GSTM5: variants seen among roughly 807,000 people sequenced by gnomAD.
The protein encoded by GSTM5 is glutathione S-transferase mu 5, also known as GST class-mu 5.
A neutral mutation model predicts 29.0 loss-of-function variants in GSTM5; 24 were observed. That is an observed-to-expected ratio of 0.83 (90% CI 0.60 to 1.16). The LOEUF is 1.16. GSTM5 is among the 50% of genes most tolerant of loss of function. The pLI is 0.00. For missense variants in GSTM5, 290 were observed against 263.0 expected, an observed-to-expected ratio of 1.10 and a Z score of -0.71; for synonymous variants, 91 against 93.6, an observed-to-expected ratio of 0.97 and a Z score of 0.16.
rs766103770 is a variant in GSTM5 at position 109,717,329 on chromosome 1, G to A, written c.568-8G>A. The A allele has an allele frequency of 2.5e-5, 40 of 1,609,958 alleles. No individual in the cohort carries two copies. Among genetic ancestry groups the A allele is most frequent in the Admixed American group, 1.0e-4 (6 of 59,970 alleles). On this transcript the variant is annotated splice_polypyrimidine_tract_variant and splice_region_variant and intron_variant, in intron 7 of 7. Coordinates refer to ENST00000256593, the MANE Select transcript of GSTM5 (RefSeq NM_000851.4). Reference sequence around the variant, plus strand: ...GACCTGGCTCTGGCCCCTTCTTCCCGCCCTCAGGGTTTGAAGAAGATCTCT... The same window carrying A: ...GACCTGGCTCTGGCCCCTTCTTCCCACCCTCAGGGTTTGAAGAAGATCTCT...
Position 109,715,237 on chromosome 1 carries a change from T to C in GSTM5, c.564T>C (p.Phe188=), listed in dbSNP as rs369318855. Residue 188 remains phenylalanine (F), a synonymous_variant, in exon 7 of 8, where the codon TTT becomes TTC. Coordinates refer to ENST00000256593, the MANE Select transcript of GSTM5 (RefSeq NM_000851.4). ...FLNLKDFISR[F]EGLKKISAYM... ...ACTTGAAGGACTTCATCTCCCGCTTTGAGGTGATGCCCCCATCCTCCTTTC... is the reference window on the plus strand; with the variant it reads ...ACTTGAAGGACTTCATCTCCCGCTTCGAGGTGATGCCCCCATCCTCCTTTC... 145 of 1,614,250 alleles carry C rather than the reference T, an allele frequency of 9.0e-5. 1 individual carries two copies. The Middle Eastern group carries it at 2.1e-3, about 24-fold the overall frequency.
chr1:109,712,451 G>A, intron 1 of GSTM5, 103 bp downstream of exon 1: 2 of 1,375,214 alleles, frequency 1.5e-6, no homozygotes, highest in Non-Finnish European at 2.1e-6. Flanking sequence ...AGGGCTGCCC[G>A]CCTCAGAAGG....
In GSTM5 at chr1:109,712,283, C is replaced by T. The variant is rs1333117518; in HGVS notation, c.-30C>T. The T allele has an allele frequency of 1.9e-6, 3 of 1,613,698 alleles. No individual in the cohort carries two copies. Among genetic ancestry groups the T allele is most frequent in the Non-Finnish European group, 2.5e-6 (3 of 1,179,712 alleles). Reference sequence around the variant, plus strand: ...AGTCTGAGCCCCGCTCCGCTGATGCCTGTCTGCAGAATCCGCACCAACCAG... The same window carrying T: ...AGTCTGAGCCCCGCTCCGCTGATGCTTGTCTGCAGAATCCGCACCAACCAG... On this transcript the variant is annotated 5_prime_UTR_variant, in exon 1 of 8. Transcript: ENST00000256593.
Position 109,712,627 on chromosome 1 carries a change from G to C in GSTM5, c.46G>C (p.Ala16Pro). The change falls in exon 2 of 8, where the codon GCC (alanine) becomes CCC (proline). Residue 16 changes from alanine (A) to proline (P), a missense_variant. Coordinates refer to ENST00000256593, the MANE Select transcript of GSTM5 (RefSeq NM_000851.4). ...GGGCCATCTCTCCCAGCTGGCCCAC[G>C]CCATCCGCTTGCTCCTGGAATACAC... ...GYWDIRGLAH[A>P]IRLLLEYTDS... is the part of the protein sequence containing the mutation. 3.1e-6 allele frequency: 5 copies of C among 1,613,890 alleles called. No individual in the cohort carries two copies. Among genetic ancestry groups the C allele is most frequent in the Non-Finnish European group, 4.2e-6 (5 of 1,179,902 alleles).
At chr1:109,715,467 G>T (rs1213392461) in intron 7 of GSTM5, 4 of 1,512,840 alleles carry the variant, frequency 2.6e-6, no homozygotes, top group Non-Finnish European at 3.5e-6. Context: ...TAAGAAAACT[G>T]AGAATGAGAG....
intron 1 of GSTM5, 81 bp from the exon 2 acceptor site, chr1:109,712,535 ACT>A (rs1648590604): frequency 6.6e-7 from 1 of 1,512,802 alleles, no homozygotes. Flanking sequence ...TGCAGTATAG[ACT>A]AGGGGCTGGC....
chr1:109,713,591 G>A (rs774608604), intron 4 of GSTM5, 26 bp downstream of exon 4: 57 of 1,613,980 alleles, frequency 3.5e-5, no homozygotes, highest in South Asian at 7.7e-5. Flanking sequence ...TGCAATGTGC[G>A]GGGGGAAGGT....
Position 109,714,976 on chromosome 1 carries a change from A to T in GSTM5, c.390A>T (p.Glu130Asp). 2 of 1,614,092 alleles carry T rather than the reference A, an allele frequency of 1.2e-6. No homozygotes were observed. Among genetic ancestry groups the T allele is most frequent in the Non-Finnish European group, 1.7e-6 (2 of 1,180,018 alleles). ...FEKLKPKYLE[E>D]LPEKLKLYSE... ...AACTGAAGCCAAAATACTTGGAGGA[A>T]CTCCCTGAAAAGCTAAAGCTCTACT... Residue 130 changes from glutamate to aspartate, a missense_variant, in exon 6 of 8, where the codon GAA (glutamate) becomes GAT (aspartate). Glu to Asp is a conservative substitution (Grantham distance 45). Transcript: ENST00000256593.
chr1:109,714,801 T>C lies in GSTM5; in HGVS notation c.361-146T>C, dbSNP rs60964769. The C allele has an allele frequency of 3.4e-3, 2,522 of 750,658 alleles. 46 individuals carry two copies. In the African/African-American group the frequency reaches 0.037, roughly 11 times the overall value. 46.5% of individuals were successfully genotyped at this position (750,658 alleles called of 1,614,324 possible). A position where few individuals can be genotyped will look rare whatever the true frequency, so the allele number is the denominator to read the frequency against. The stretch of plus-strand genomic sequence containing the variant: ...GTCTAATAAATGCTGATGTATCCAA[T>C]TGAAGCCTGGGCACTGCCCCGGTTT... On this transcript the variant is annotated intron_variant, in intron 5 of 7. Coordinates refer to ENST00000256593, the MANE Select transcript of GSTM5 (RefSeq NM_000851.4).
intron 7 of GSTM5, chr1:109,716,138 T>G: frequency 3.3e-6 from 1 of 303,014 alleles, no homozygotes; most frequent in South Asian, 2.8e-5. Flanking sequence ...TGCCCCTCAC[T>G]CACGGGGAAC....
rs1648599630 is a variant in GSTM5 at position 109,712,665 on chromosome 1, T to C, written c.84T>C (p.Tyr28=). 2 of 1,614,138 alleles carry C rather than the reference T, an allele frequency of 1.2e-6. No individual in the cohort carries two copies. The highest frequency in any genetic ancestry group is 1.7e-6 in the Non-Finnish European group (2 of 1,180,002). Residue 28 remains tyrosine, a synonymous_variant, in exon 2 of 8, where the codon TAT becomes TAC. Transcript: ENST00000256593. The part of the protein sequence containing the change: ...RLLLEYTDSS[Y]VEKKYTLGDA... Reference sequence around the variant, plus strand: ...TCCTGGAATACACAGACTCAAGCTATGTGGAAAAGAAGTACACGCTGGGGG... The same window carrying C: ...TCCTGGAATACACAGACTCAAGCTACGTGGAAAAGAAGTACACGCTGGGGG...
At position 109,712,682 on chromosome 1, in the gene GSTM5, C is replaced by G. The variant is rs540779576; in HGVS notation, c.101C>G (p.Thr34Arg). ...TDSSYVEKKYTLGDAPDYDRS... is the reference protein window; with the variant it reads ...TDSSYVEKKYRLGDAPDYDRS... ...TCAAGCTATGTGGAAAAGAAGTACA[C>G]GCTGGGGGACGGTAATGGCACCCTC... The change falls in exon 2 of 8, where the codon ACG (threonine) becomes AGG (arginine). Residue 34 changes from threonine to arginine, a missense_variant. By Grantham distance (71) the Thr-to-Arg change is moderately conservative. Transcript: ENST00000256593. 1.9e-6 allele frequency: 3 copies of G among 1,614,142 alleles called. No individual in the cohort carries two copies. Among genetic ancestry groups the G allele is most frequent in the Admixed American group, 3.3e-5 (2 of 60,028 alleles).
intron 5 of GSTM5, chr1:109,714,623 A>C (rs181059134): frequency 5.3e-6 from 2 of 376,832 alleles, no homozygotes; most frequent in East Asian, 5.1e-5. Flanking sequence ...AGTTCTTTGC[A>C]TCCTTGATTC....
At chr1:109,712,191 G>T (rs1278414788), upstream of GSTM5, 2 of 1,067,550 alleles carry the variant, frequency 1.9e-6, no homozygotes, top group Admixed American at 1.7e-5. Context: ...GGCGTGTTTC[G>T]GGGTTGTGGC....
At position 109,717,265 on chromosome 1, in the gene GSTM5, G is replaced by A. The variant is rs546869525; in HGVS notation, c.568-72G>A. The A allele has an allele frequency of 2.2e-5, 25 of 1,150,130 alleles. No homozygotes were observed. The African/African-American group carries it at 3.6e-4, about 17-fold the overall frequency. The allele number at this position is 1,150,130 out of a possible 1,614,324, so 71.2% of individuals were successfully genotyped here. Reference sequence around the variant, plus strand: ...GCTGTGGCCAGGGCCCTGACCTGCTGTGCCTGCAGCAAAGCTACTTGAGCC... The same window carrying A: ...GCTGTGGCCAGGGCCCTGACCTGCTATGCCTGCAGCAAAGCTACTTGAGCC... On this transcript the variant is annotated intron_variant, in intron 7 of 7. Coordinates refer to ENST00000256593, the MANE Select transcript of GSTM5 (RefSeq NM_000851.4).
chr1:109,712,488 T>A, intron 1 of GSTM5, 130 bp from the exon 2 acceptor site: 1 of 1,252,078 alleles, frequency 8.0e-7, no homozygotes, highest in East Asian at 2.4e-5. Context: ...GTGTGTGTGT[T>A]TGGGGGTGGG....
intron 7 of GSTM5, 37 bp from the exon 8 acceptor site, chr1:109,717,299 CA>C (rs1557973283): frequency 6.6e-7 from 1 of 1,518,756 alleles, no homozygotes. Flanking sequence ...CCCTTCTAGA[CA>C]GCAGACCTGG....
At chr1:109,712,891 T>C (rs577280952) in intron 2 of GSTM5, 198 bp downstream of exon 2, 35 of 838,724 alleles carry the variant, frequency 4.2e-5, no homozygotes, top group Non-Finnish European at 6.6e-5. Context: ...CCCTGTCTAA[T>C]TGGGTTGGGT....
intron 7 of GSTM5, chr1:109,715,885 T>C (rs1232945026): frequency 1.8e-5 from 11 of 617,084 alleles, no homozygotes; most frequent in Admixed American, 1.3e-4. Context: ...GGCACTCTCC[T>C]TCTTTATCTT....
Sources: gnomAD v4.1 joint callset for allele counts on GRCh38, gnomAD v4.1.1 for gene constraint, MANE v1.5 for transcripts, NCBI Gene and HGNC (gene_info 2026-07-23, HGNC 2026-07-21) for gene names.